The following GRID1 variants were observed in gnomAD, a reference collection of about 807,000 sequenced individuals.
The protein encoded by GRID1 is glutamate receptor ionotropic, delta-1.
In GRID1, 28 loss-of-function variants were observed where a neutral mutation model predicts 98.0. That is an observed-to-expected ratio of 0.29 (90% CI 0.21 to 0.39). The LOEUF (loss-of-function observed/expected upper bound fraction) is 0.39. GRID1 is among the 10% of genes least tolerant of loss of function. GRID1 has a pLI of 1.00. For missense variants in GRID1, 1,111 were observed against 1,340.5 expected (o/e 0.83, Z 2.67); for synonymous variants, 553 against 538.5 (o/e 1.03, Z -0.37).
At chr10:86,300,658 G>T (rs926618105) in intron 2 of GRID1, among the ~76,000 whole-genome samples, 5 of 152,080 alleles carry the variant, frequency 3.3e-5, no homozygotes, top group Admixed American at 1.3e-4. Context: ...GCAAAGACCA[G>T]CTTCTTCTAG....
rs951941326 is a variant in GRID1 at position 86,192,191 on chromosome 10, T to TGC, written c.520+14171_520+14172dup. Among the ~76,000 whole-genome samples, 2 of 151,446 alleles carry TGC rather than the reference T, an allele frequency of 1.3e-5. No homozygotes were observed. Among genetic ancestry groups the TGC allele is most frequent in the African/African-American group, 4.8e-5 (2 of 41,356 alleles). ...GCAGCAACACACACCCACAGACACC[T>TGC]GCGCACACACACACACATGGAGGCT... On this transcript the variant is annotated intron_variant, in intron 3 of 15. Coordinates refer to ENST00000327946, the MANE Select transcript of GRID1 (RefSeq NM_017551.3). The surrounding 1 kb of genome is among the most constrained non-coding windows in gnomAD (Gnocchi z 4.8).
chr10:85,904,538 A>G (rs538853645), intron 5 of GRID1, among the ~76,000 whole-genome samples: 1 of 152,320 alleles, frequency 6.6e-6, no homozygotes, highest in Admixed American at 6.5e-5. Flanking sequence ...AGGGTCCCCC[A>G]TGACAATGCT....
chr10:86,106,005 A>G (rs537765055), intron 4 of GRID1, among the ~76,000 whole-genome samples: 2 of 152,062 alleles, frequency 1.3e-5, no homozygotes, highest in Non-Finnish European at 2.9e-5. Flanking sequence ...AGTGTTCCCA[A>G]TTGCAAAGGA....
intron 8 of GRID1, among the ~76,000 whole-genome samples, chr10:85,810,664 C>T (rs570602215): frequency 8.5e-5 from 13 of 152,192 alleles, no homozygotes; most frequent in Non-Finnish European, 1.6e-4. Context: ...AAACCTGCCC[C>T]GGCCGACATG....
In GRID1 at chr10:85,613,514, C is replaced by A. The variant is rs150878754; in HGVS notation, c.2494G>T (p.Ala832Ser). ...DGKSLKLHSF[A>S]GVFCILAIGL... The stretch of plus-strand genomic sequence containing the variant: ...ATGGCCAGGATGCAGAAGACCCCGG[C>A]GAAGCTGTGCAGCTTGAGGGATTTG... Residue 832 changes from alanine to serine, a missense_variant, in exon 15 of 16, where the codon GCC becomes TCC. Ala to Ser is a moderately conservative substitution (Grantham distance 99, BLOSUM62 1). Around this residue, in one of 3 missense-constraint regions of GRID1, gnomAD observed 762 missense variants for 869.1 expected, o/e 0.88. Transcript: ENST00000327946. The A allele has an allele frequency of 6.2e-7, 1 of 1,614,056 alleles. No individual in the cohort carries two copies. The highest frequency in any genetic ancestry group is 1.3e-5 in the African/African-American group (1 of 74,952).
intron 4 of GRID1, among the ~76,000 whole-genome samples, chr10:85,987,683 C>T (rs1403428447): frequency 1.3e-5 from 2 of 151,380 alleles, no homozygotes; most frequent in Non-Finnish European, 1.5e-5. Context: ...GTCCTTGGCA[C>T]CTCCACTTCC....
At chr10:85,934,587 T>C in intron 4 of GRID1, among the ~76,000 whole-genome samples, 1 of 152,232 alleles carries the variant, frequency 6.6e-6, no homozygotes, top group East Asian at 1.9e-4. Flanking sequence ...TATGTTGTTC[T>C]CAACAAAACC....
At chr10:85,921,636 G>A (rs1408864243) in intron 4 of GRID1, among the ~76,000 whole-genome samples, 1 of 152,226 alleles carries the variant, frequency 6.6e-6, no homozygotes, top group Non-Finnish European at 1.5e-5. Flanking sequence ...GAATGTCAAG[G>A]GTGGAGGCAG....
chr10:85,603,702 C>T (rs1239941278), intron 15 of GRID1, among the ~76,000 whole-genome samples: 1 of 152,088 alleles, frequency 6.6e-6, no homozygotes, highest in Non-Finnish European at 1.5e-5. Context: ...ATGAGCTTCC[C>T]GGTGAGGTTG....
intron 4 of GRID1, among the ~76,000 whole-genome samples, chr10:86,086,536 A>T (rs1844059531): frequency 2.0e-5 from 3 of 152,212 alleles, no homozygotes; most frequent in African/African-American, 7.2e-5. Context: ...CTGGGACTCA[A>T]AGCCACACCT....
chr10:85,933,306 A>C (rs1313362826), intron 4 of GRID1, among the ~76,000 whole-genome samples: 5 of 126,392 alleles, frequency 4.0e-5, no homozygotes, highest in African/African-American at 1.1e-4. Flanking sequence ...AAAAAAAAAA[A>C]AAAAAACTTA....
intron 12 of GRID1, among the ~76,000 whole-genome samples, chr10:85,717,990 G>A (rs1302010588): frequency 6.6e-6 from 1 of 152,178 alleles, no homozygotes; most frequent in Non-Finnish European, 1.5e-5. Flanking sequence ...CAAAAGGTTG[G>A]TTTCCATGGT....
chr10:86,065,377 G>A (rs1008202126), intron 4 of GRID1, among the ~76,000 whole-genome samples: 2 of 152,242 alleles, frequency 1.3e-5, no homozygotes, highest in African/African-American at 4.8e-5. Context: ...TGTGGACTCT[G>A]GTCCAAGCAG....
intron 8 of GRID1, among the ~76,000 whole-genome samples, chr10:85,805,278 C>T (rs1357464491): frequency 1.3e-5 from 2 of 151,518 alleles, no homozygotes; most frequent in East Asian, 3.9e-4. Context: ...ACATAAACTA[C>T]ATAATACTAA....
At chr10:86,052,014 A>G (rs1843509072) in intron 4 of GRID1, among the ~76,000 whole-genome samples, 2 of 152,246 alleles carry the variant, frequency 1.3e-5, no homozygotes, top group African/African-American at 4.8e-5. Context: ...ACAATTTTTC[A>G]TAGCACAAGA....
At chr10:85,908,342 T>A (rs1451900295) in intron 5 of GRID1, among the ~76,000 whole-genome samples, 1 of 152,184 alleles carries the variant, frequency 6.6e-6, no homozygotes, top group East Asian at 1.9e-4. Context: ...TTAGCAAAGT[T>A]CTAGGATACA....
chr10:86,270,654 C>T (rs1196429891), intron 2 of GRID1, among the ~76,000 whole-genome samples: 5 of 152,100 alleles, frequency 3.3e-5, no homozygotes, highest in Non-Finnish European at 7.3e-5. Context: ...TGTGCCACTG[C>T]ACTCCAGCCT....
intron 4 of GRID1, among the ~76,000 whole-genome samples, chr10:85,976,578 C>A (rs1842475893): frequency 6.6e-6 from 1 of 152,262 alleles, no homozygotes; most frequent in Non-Finnish European, 1.5e-5. Context: ...ACCTACCCAT[C>A]TAGCTCCCCG....
chr10:86,131,276 C>G (rs932359737), intron 4 of GRID1, among the ~76,000 whole-genome samples: 12 of 152,102 alleles, frequency 7.9e-5, no homozygotes, highest in African/African-American at 2.7e-4. Context: ...GGCTCAGAGG[C>G]GAGGCCCCCC....
Sources: allele counts gnomAD v4.1 joint callset (sites outside exome capture counted in the v4.1 genomes callset), GRCh38; gene constraint gnomAD v4.1.1; regional missense constraint gnomAD v4.1.1; non-coding constraint Gnocchi (gnomAD v3.1); transcripts MANE v1.5; gene names NCBI Gene and HGNC (gene_info 2026-07-23, HGNC 2026-07-21).